AKAP6: variants seen among roughly 807,000 people sequenced by gnomAD.
AKAP6 encodes A-kinase anchor protein 6.
Under a neutral mutation model 188.5 loss-of-function variants are expected in AKAP6, and 58 were observed. That is an observed-to-expected ratio of 0.31 (90% CI 0.25 to 0.38). The LOEUF (loss-of-function observed/expected upper bound fraction) is 0.38. Ranked by LOEUF, AKAP6 falls within the 10% of genes least tolerant of loss-of-function variation. The probability of loss-of-function intolerance (pLI) is 1.00; values close to 1 mark genes in which losing one functional copy is unlikely to be tolerated. For missense variants in AKAP6, 2,710 were observed against 2,740.0 expected (o/e 0.99, Z 0.24); for synonymous variants, 989 against 998.6 (o/e 0.99, Z 0.18).
chr14:32,429,061 G>C (rs1890131466), intron 1 of AKAP6, among the ~76,000 whole-genome samples: 1 of 152,174 alleles, frequency 6.6e-6, no homozygotes, highest in Admixed American at 6.5e-5. Flanking sequence ...TAGGGGGAGG[G>C]AGATGAGAGG....
intron 8 of AKAP6, among the ~76,000 whole-genome samples, chr14:32,685,086 C>T (rs112093551): frequency 8.1e-5 from 8 of 98,346 alleles, no homozygotes; most frequent in Admixed American, 1.1e-4. Flanking sequence ...TAAGACCCCC[C>T]CCTACCAAAC....
At chr14:32,724,989 C>CAAAA (rs1286933012) in intron 9 of AKAP6, among the ~76,000 whole-genome samples, 2 of 5,504 alleles carry the variant, frequency 3.6e-4, no homozygotes, top group African/African-American at 5.2e-4. Flanking sequence ...TATATTCAAC[C>CAAAA]TAAAAAAAAA....
At chr14:32,710,792 G>A (rs745662160) in intron 9 of AKAP6, among the ~76,000 whole-genome samples, 3 of 152,030 alleles carry the variant, frequency 2.0e-5, no homozygotes, top group Non-Finnish European at 2.9e-5. Flanking sequence ...GGCTTCACCT[G>A]GTCCTTGGTA....
intron 9 of AKAP6, among the ~76,000 whole-genome samples, chr14:32,713,651 A>G (rs746376219): frequency 1.4e-4 from 22 of 151,902 alleles, no homozygotes; most frequent in Non-Finnish European, 2.2e-4. Flanking sequence ...TCATGAACCA[A>G]CCTCTGTTAG....
At chr14:32,728,264 C>G (rs1006707003) in intron 9 of AKAP6, among the ~76,000 whole-genome samples, 7 of 121,934 alleles carry the variant, frequency 5.7e-5, no homozygotes, top group Non-Finnish European at 1.1e-4. Context: ...ATTATTTTGC[C>G]AGTAGTTTGG....
In AKAP6 at chr14:32,606,036, C is replaced by T. The variant is rs77353956; in HGVS notation, c.2730+5244C>T. ...TCTGGGAAACTTCTCCCCTAGGACT[C>T]AGCAGCATACCTTATTTGTTGTATT... On this transcript the variant is annotated intron_variant, in intron 7 of 13. Transcript: ENST00000280979. 7.9e-3 allele frequency among the ~76,000 whole-genome samples: 1,200 copies of T among 152,214 alleles called. 18 individuals carry two copies. The highest frequency in any genetic ancestry group is 0.027 in the African/African-American group (1,136 of 41,540).
intron 5 of AKAP6, among the ~76,000 whole-genome samples, chr14:32,587,296 A>G (rs764484290): frequency 1.3e-5 from 2 of 152,124 alleles, no homozygotes; most frequent in Non-Finnish European, 2.9e-5. Flanking sequence ...GTGAATAGGA[A>G]ATTTTTAAAA....
chr14:32,589,296 A>G (rs1885379572), intron 5 of AKAP6, among the ~76,000 whole-genome samples: 1 of 152,150 alleles, frequency 6.6e-6, no homozygotes, highest in African/African-American at 2.4e-5. Flanking sequence ...CACCAGTTTA[A>G]GGGTAGTCGC....
chr14:32,813,395 C>CCA (rs1555365145), intron 12 of AKAP6, among the ~76,000 whole-genome samples: 18 of 119,652 alleles, frequency 1.5e-4, no homozygotes, highest in African/African-American at 2.3e-4. Context: ...CCCTACCCCC[C>CCA]CCCCCAACCC....
chr14:32,827,355 T>C (rs2034700371), intron 13 of AKAP6, among the ~76,000 whole-genome samples: 1 of 152,046 alleles, frequency 6.6e-6, no homozygotes, highest in Admixed American at 6.6e-5. Flanking sequence ...GCTTGGTTTT[T>C]TTTTTTTTCC....
At chr14:32,376,749 T>C (rs1353347083) in intron 1 of AKAP6, among the ~76,000 whole-genome samples, 1 of 152,122 alleles carries the variant, frequency 6.6e-6, no homozygotes, top group Non-Finnish European at 1.5e-5. Context: ...CAGGCTGGAG[T>C]GCAGTGGCGC....
chr14:32,823,266 G>T lies in AKAP6; in HGVS notation c.5453G>T (p.Arg1818Met). The change falls in exon 13 of 14, where the codon AGG becomes ATG. Residue 1818 changes from arginine (R) to methionine (M), a missense_variant. Arg to Met is a moderately conservative substitution (Grantham distance 91). Around this residue, in one of 2 missense-constraint regions of AKAP6, gnomAD observed 2,473 missense variants for 2,426.1 expected, o/e 1.02. Coordinates refer to ENST00000280979, the MANE Select transcript of AKAP6 (RefSeq NM_004274.5). ...TTGTCTTTGACAAGAGATAAGAAAA[G>T]GTGCAATGTCAGTGATGAGATGAAG... ...PKLSLTRDKK[R>M]CNVSDEMKGS... 6.2e-7 allele frequency: 1 copy of T among 1,613,690 alleles called. No individual in the cohort carries two copies. Among genetic ancestry groups the T allele is most frequent in the Non-Finnish European group, 8.5e-7 (1 of 1,179,898 alleles).
intron 1 of AKAP6, among the ~76,000 whole-genome samples, chr14:32,358,525 T>TG (rs138758684): frequency 0.018 from 2,780 of 152,000 alleles, 88 homozygotes; most frequent in African/African-American, 0.064. Flanking sequence ...CTGTGTTGGG[T>TG]GGGGGGGTTA....
At chr14:32,422,896 T>C (rs1486877162) in intron 1 of AKAP6, among the ~76,000 whole-genome samples, 1 of 152,196 alleles carries the variant, frequency 6.6e-6, no homozygotes, top group Non-Finnish European at 1.5e-5. Flanking sequence ...CAAAATACTT[T>C]AAGGATTCTG....
intron 5 of AKAP6, among the ~76,000 whole-genome samples, chr14:32,591,090 T>A (rs1885466187): frequency 1.3e-5 from 2 of 152,322 alleles, no homozygotes; most frequent in South Asian, 4.1e-4. Flanking sequence ...GTGTGAATAA[T>A]ATACTTATAT....
chr14:32,550,920 C>G (rs1883432251), intron 4 of AKAP6, among the ~76,000 whole-genome samples: 1 of 152,216 alleles, frequency 6.6e-6, no homozygotes, highest in Non-Finnish European at 1.5e-5. Context: ...TTCTATTCTT[C>G]TCTCACTACA....
chr14:32,536,646 A>G (rs1882691179), intron 3 of AKAP6, among the ~76,000 whole-genome samples: 1 of 152,242 alleles, frequency 6.6e-6, no homozygotes, highest in African/African-American at 2.4e-5. Context: ...AGAATATTAT[A>G]CAAAATATAT....
intron 1 of AKAP6, among the ~76,000 whole-genome samples, chr14:32,398,374 G>A (rs1888947859): frequency 6.6e-6 from 1 of 152,194 alleles, no homozygotes; most frequent in African/African-American, 2.4e-5. Context: ...GGTCAGACAA[G>A]GGCTTCTTGG....
chr14:32,407,567 T>C (rs1383359920), intron 1 of AKAP6, among the ~76,000 whole-genome samples: 1 of 152,190 alleles, frequency 6.6e-6, no homozygotes, highest in Non-Finnish European at 1.5e-5. Flanking sequence ...CTAAAACTGA[T>C]ATTTACTGCA....
Sources: allele counts gnomAD v4.1 joint callset (sites outside exome capture counted in the v4.1 genomes callset), GRCh38; gene constraint gnomAD v4.1.1; regional missense constraint gnomAD v4.1.1; transcripts MANE v1.5; gene names NCBI Gene and HGNC (gene_info 2026-07-23, HGNC 2026-07-21).